The following DLG2 variants were observed in gnomAD, a reference collection of about 807,000 sequenced individuals.
DLG2 encodes the protein disks large homolog 2.
In DLG2, 45 loss-of-function variants were observed where a neutral mutation model predicts 132.5. The observed-to-expected ratio is 0.34, with a 90% CI of 0.27 to 0.44. DLG2 has a LOEUF of 0.44. Among genes scored for constraint, DLG2 ranks in the 20% least tolerant of loss-of-function variants. The pLI, the probability that DLG2 is intolerant of heterozygous loss-of-function variation, is 1.00. For synonymous variants in DLG2, 424 were observed against 419.6 expected (o/e 1.01, Z -0.13); for missense variants, 1,045 against 1,196.9 (o/e 0.87, Z 1.87).
intron 3 of DLG2, among the ~76,000 whole-genome samples, chr11:85,385,955 T>C (rs886419171): frequency 1.3e-5 from 2 of 152,216 alleles, no homozygotes; most frequent in African/African-American, 2.4e-5. Flanking sequence ...CCACGATTAG[T>C]TGACGATTCC....
chr11:85,611,722 A>G (rs968541518), intron 2 of DLG2, among the ~76,000 whole-genome samples: 4 of 152,260 alleles, frequency 2.6e-5, no homozygotes, highest in African/African-American at 7.2e-5. Flanking sequence ...CTACATGCCT[A>G]TGCTACAATA....
At chr11:84,626,454 A>G (rs192123932) in intron 6 of DLG2, among the ~76,000 whole-genome samples, 1,758 of 152,280 alleles carry the variant, frequency 0.012, 23 homozygotes, top group Non-Finnish European at 0.016. Context: ...AAATGTGCAC[A>G]TTGGGAAGCA....
At chr11:84,714,575 CTTTCTCTTTCTCTTTCTCTTTCTT>C (rs1565748592) in intron 6 of DLG2, among the ~76,000 whole-genome samples, 2 of 131,290 alleles carry the variant, frequency 1.5e-5, no homozygotes, top group African/African-American at 7.0e-5. Context: ...TTCTCTTTCT[CTTTCTCTTTCTCTTTCTCTTTCTT>C]TCTCTTTCTC....
Position 83,484,135 on chromosome 11 carries a change from G to A in DLG2, c.2287C>T (p.Pro763Ser). 3 of 1,612,286 alleles carry A rather than the reference G, an allele frequency of 1.9e-6. No homozygotes were observed. Among genetic ancestry groups the A allele is most frequent in the Non-Finnish European group, 2.5e-6 (3 of 1,178,670 alleles). ...TCTTTCAGAATCTACTTACGTTCAG[G>A]ATCACTGGTTTCCTGCTCACTCTGC... Reference protein sequence around the residue: ...KEQSEQETSDPERGQEDLILS... With the variant: ...KEQSEQETSDSERGQEDLILS... The change falls in exon 22 of 28, where the codon CCT becomes TCT. Residue 763 changes from proline (P) to serine (S), a missense_variant. Physicochemically the swap from Pro to Ser is moderately conservative, Grantham distance 74 (BLOSUM62 -1). Coordinates refer to ENST00000376104, the MANE Select transcript of DLG2 (RefSeq NM_001142699.3).
intron 19 of DLG2, among the ~76,000 whole-genome samples, chr11:83,626,069 A>G (rs2062472840): frequency 6.6e-6 from 1 of 152,198 alleles, no homozygotes; most frequent in East Asian, 1.9e-4. Context: ...ATGAAACATC[A>G]AGACATTACT....
At chr11:85,170,689 G>T (rs1042319230) in intron 4 of DLG2, among the ~76,000 whole-genome samples, 1 of 152,120 alleles carries the variant, frequency 6.6e-6, no homozygotes, top group Non-Finnish European at 1.5e-5. Flanking sequence ...GTGGTAAAAA[G>T]AATTTACCAA....
chr11:85,393,455 T>C (rs556815871), intron 3 of DLG2, among the ~76,000 whole-genome samples: 3 of 152,164 alleles, frequency 2.0e-5, no homozygotes, highest in South Asian at 2.1e-4. Context: ...GATTCAGCAA[T>C]CCCACTCCTG....
At chr11:84,380,416 T>G (rs749470114) in intron 7 of DLG2, among the ~76,000 whole-genome samples, 2 of 152,064 alleles carry the variant, frequency 1.3e-5, no homozygotes, top group African/African-American at 2.4e-5. Flanking sequence ...ACAATGTTGT[T>G]GACCACAAAA....
At chr11:84,482,176 A>G (rs1182472027) in intron 7 of DLG2, among the ~76,000 whole-genome samples, 1 of 152,232 alleles carries the variant, frequency 6.6e-6, no homozygotes, top group Non-Finnish European at 1.5e-5. Context: ...AAAACAAAAC[A>G]AAACAAGAAT....
chr11:83,803,947 T>C (rs899268457), intron 17 of DLG2, among the ~76,000 whole-genome samples: 1 of 152,138 alleles, frequency 6.6e-6, no homozygotes, highest in African/African-American at 2.4e-5. Flanking sequence ...TTTTTCATCG[T>C]AGTTCCTCAA....
At chr11:84,660,930 G>T (rs1183340828) in intron 6 of DLG2, among the ~76,000 whole-genome samples, 1 of 152,100 alleles carries the variant, frequency 6.6e-6, no homozygotes, top group African/African-American at 2.4e-5. Context: ...TGGCCTGAAG[G>T]ACTCAACTTC....
At chr11:84,656,943 T>C (rs1048576352) in intron 6 of DLG2, among the ~76,000 whole-genome samples, 9 of 152,192 alleles carry the variant, frequency 5.9e-5, no homozygotes, top group Non-Finnish European at 1.2e-4. Context: ...TTTGTAATAA[T>C]TGCTATTTAT....
At chr11:85,615,417 T>A (rs948165965) in intron 2 of DLG2, among the ~76,000 whole-genome samples, 1 of 152,000 alleles carries the variant, frequency 6.6e-6, no homozygotes, top group African/African-American at 2.4e-5. Context: ...CTCAGGAGGC[T>A]GAGGCAGGAG....
intron 6 of DLG2, among the ~76,000 whole-genome samples, chr11:84,677,601 T>C (rs1176919951): frequency 3.9e-5 from 6 of 152,046 alleles, no homozygotes; most frequent in Non-Finnish European, 8.8e-5. Flanking sequence ...ACTAAAAATG[T>C]TGCTGAGTAT....
intron 6 of DLG2, among the ~76,000 whole-genome samples, chr11:85,092,333 C>G (rs934307220): frequency 6.6e-5 from 10 of 151,996 alleles, no homozygotes; most frequent in African/African-American, 2.4e-4. Flanking sequence ...GTTATAATCC[C>G]AAAAGATAAA....
chr11:83,771,515 C>G (rs1237700310), intron 18 of DLG2, among the ~76,000 whole-genome samples: 4 of 152,124 alleles, frequency 2.6e-5, no homozygotes, highest in African/African-American at 9.7e-5. Context: ...GACAACTAGG[C>G]TGTGTGGTAT....
intron 6 of DLG2, among the ~76,000 whole-genome samples, chr11:84,877,698 T>C (rs2154051310): frequency 6.6e-6 from 1 of 152,126 alleles, no homozygotes; most frequent in South Asian, 2.1e-4. Flanking sequence ...CCCGTTTATA[T>C]TTAAAGTTAA....
At chr11:83,477,505 A>G (rs1028064025) in intron 22 of DLG2, among the ~76,000 whole-genome samples, 3 of 152,074 alleles carry the variant, frequency 2.0e-5, no homozygotes, top group African/African-American at 7.2e-5. Context: ...TGTGTGGCCT[A>G]CCTCAGGAAA....
chr11:83,823,212 T>G (rs1274191038), intron 17 of DLG2, among the ~76,000 whole-genome samples: 1 of 152,162 alleles, frequency 6.6e-6, no homozygotes, highest in Admixed American at 6.5e-5. Flanking sequence ...ATCAAGTCGA[T>G]GATCACTCCT....
Sources: gnomAD v4.1 joint callset for allele counts (sites outside exome capture counted in the v4.1 genomes callset) on GRCh38, gnomAD v4.1.1 for gene constraint, MANE v1.5 for transcripts, NCBI Gene and HGNC (gene_info 2026-07-23, HGNC 2026-07-21) for gene names.